The following MACROD2 variants were observed in gnomAD, a reference collection of about 807,000 sequenced individuals.
MACROD2 encodes mono-ADP ribosylhydrolase 2.
In MACROD2, 36 loss-of-function variants were observed where a neutral mutation model predicts 70.4. The ratio of observed to expected loss-of-function variants is 0.51; its 90% confidence interval spans 0.39 to 0.68. The LOEUF (loss-of-function observed/expected upper bound fraction) is 0.68, where lower values mean the gene tolerates loss of function less well. MACROD2 is among the 30% of genes least tolerant of loss of function. MACROD2 has a pLI of 0.00. For synonymous variants in MACROD2, 172 were observed against 178.8 expected (o/e 0.96, Z 0.30); for missense variants, 496 against 538.4 (o/e 0.92, Z 0.78).
At chr20:15,691,230 A>C (rs1425016356) in intron 8 of MACROD2, among the ~76,000 whole-genome samples, 1 of 152,188 alleles carries the variant, frequency 6.6e-6, no homozygotes, top group Non-Finnish European at 1.5e-5. Context: ...TAGTTGGCTG[A>C]CCTTGGATGT....
chr20:14,228,701 TCA>T lies in MACROD2; in HGVS notation c.271+142976_271+142977del, dbSNP rs1244383296. On this transcript the variant is annotated intron_variant, in intron 3 of 17. Transcript: ENST00000684519. The stretch of plus-strand genomic sequence containing the variant: ...GAAATATTTTCTTAAATAAAAATTG[TCA>T]CAGAAAAAAAGACATTAATTTCGGC... Among the ~76,000 whole-genome samples, 8 of 152,202 alleles carry T rather than the reference TCA, an allele frequency of 5.3e-5. No homozygotes were observed. The South Asian group carries it at 1.7e-3, about 32-fold the overall frequency.
At chr20:15,703,249 A>G (rs2050486084) in intron 8 of MACROD2, among the ~76,000 whole-genome samples, 1 of 152,246 alleles carries the variant, frequency 6.6e-6, no homozygotes, top group Non-Finnish European at 1.5e-5. Context: ...TAATTATTCC[A>G]CATTGTGACA....
At chr20:14,517,686 C>T (rs1381974888) in intron 4 of MACROD2, among the ~76,000 whole-genome samples, 5 of 152,004 alleles carry the variant, frequency 3.3e-5, no homozygotes, top group African/African-American at 1.2e-4. Flanking sequence ...TAAAGTATAG[C>T]AGAAAAGTTT....
intron 9 of MACROD2, among the ~76,000 whole-genome samples, chr20:15,879,467 T>TA (rs1174283678): frequency 1.3e-5 from 2 of 152,302 alleles, no homozygotes; most frequent in African/African-American, 4.8e-5. Flanking sequence ...AATGGCACAT[T>TA]AGGTGCTTTG....
chr20:14,467,207 T>A (rs544231683), intron 3 of MACROD2, among the ~76,000 whole-genome samples: 13 of 152,258 alleles, frequency 8.5e-5, no homozygotes, highest in Non-Finnish European at 1.5e-4. Flanking sequence ...CTGGCTGCTT[T>A]GTTTACCTAC....
At chr20:14,383,044 G>A (rs570691094) in intron 3 of MACROD2, among the ~76,000 whole-genome samples, 4 of 152,118 alleles carry the variant, frequency 2.6e-5, no homozygotes, top group Non-Finnish European at 5.9e-5. Context: ...CTGCCCTAAC[G>A]CTAAGTCTCA....
At chr20:14,213,608 G>C (rs1236170033) in intron 3 of MACROD2, among the ~76,000 whole-genome samples, 2 of 151,912 alleles carry the variant, frequency 1.3e-5, no homozygotes, top group Non-Finnish European at 2.9e-5. Context: ...CTTCAATAGT[G>C]ATGATGGAAT....
intron 11 of MACROD2, among the ~76,000 whole-genome samples, chr20:15,934,723 A>G (rs2147323603): frequency 6.6e-6 from 1 of 150,660 alleles, no homozygotes; most frequent in Non-Finnish European, 1.5e-5. Flanking sequence ...TTTGAGATGG[A>G]GTCTTGCTCT....
intron 6 of MACROD2, among the ~76,000 whole-genome samples, chr20:15,344,319 C>T (rs1347770301): frequency 1.3e-5 from 2 of 152,110 alleles, no homozygotes; most frequent in Non-Finnish European, 2.9e-5. Context: ...ATTAGACCAT[C>T]CCAACTGAGA....
In MACROD2 at chr20:14,326,319, G is replaced by T; in HGVS notation, c.272-167160G>T. On this transcript the variant is annotated intron_variant, in intron 3 of 17. Coordinates refer to ENST00000684519, the MANE Select transcript of MACROD2 (RefSeq NM_001351661.2). This position sits in a 1 kb window ranked among gnomAD's most constrained non-coding sequence, Gnocchi z 5.5. ...TCCCTGTGGTTTGGTGATCCTTAGT[G>T]AGCTTGGGGTTCTTAATATCTGGCT... The T allele has an allele frequency of 2.5e-6, 4 of 1,613,894 alleles. No individual in the cohort carries two copies. The highest frequency in any genetic ancestry group is 3.4e-6 in the Non-Finnish European group (4 of 1,179,854).
At chr20:14,924,925 GT>G (rs1435255935) in intron 5 of MACROD2, among the ~76,000 whole-genome samples, 6 of 152,066 alleles carry the variant, frequency 3.9e-5, no homozygotes, top group Non-Finnish European at 7.4e-5. Context: ...CCCTCAGTAT[GT>G]TTTTATTCCC....
intron 5 of MACROD2, among the ~76,000 whole-genome samples, chr20:15,158,922 C>A (rs1180097413): frequency 6.6e-6 from 1 of 152,064 alleles, no homozygotes; most frequent in Non-Finnish European, 1.5e-5. Flanking sequence ...AAGATGTTGA[C>A]CATGGTTCTG....
At chr20:16,024,495 GTTCACA>G (rs779945395) in intron 15 of MACROD2, among the ~76,000 whole-genome samples, 54 of 132,096 alleles carry the variant, frequency 4.1e-4, no homozygotes, top group African/African-American at 3.1e-4. Flanking sequence ...ATGCAGCCAT[GTTCACA>G]CACACACACA....
chr20:14,221,221 G>A (rs2081670724), intron 3 of MACROD2, among the ~76,000 whole-genome samples: 1 of 152,062 alleles, frequency 6.6e-6, no homozygotes, highest in Non-Finnish European at 1.5e-5. Context: ...ACTTATCTTG[G>A]GGTATGAATG....
intron 6 of MACROD2, among the ~76,000 whole-genome samples, chr20:15,319,134 A>G (rs966557928): frequency 1.3e-5 from 2 of 152,190 alleles, no homozygotes; most frequent in Admixed American, 1.3e-4. Context: ...CACAACATCA[A>G]TACACACAAA....
intron 6 of MACROD2, chr20:15,280,986 A>G (rs1344603485): frequency 6.6e-6 from 1 of 152,338 alleles, no homozygotes; most frequent in Non-Finnish European, 1.5e-5. Context: ...CAGAAAACTT[A>G]CAATCATGGC....
intron 4 of MACROD2, among the ~76,000 whole-genome samples, chr20:14,622,436 G>A (rs1184977568): frequency 6.6e-6 from 1 of 152,114 alleles, no homozygotes; most frequent in Non-Finnish European, 1.5e-5. Context: ...TAGGAACATA[G>A]GATAGATTTG....
intron 8 of MACROD2, among the ~76,000 whole-genome samples, chr20:15,522,724 C>G (rs765569179): frequency 2.0e-5 from 3 of 152,114 alleles, no homozygotes; most frequent in African/African-American, 4.8e-5. Flanking sequence ...AAAAATAAAT[C>G]AGAACTGAAC....
intron 3 of MACROD2, among the ~76,000 whole-genome samples, chr20:14,289,080 G>A (rs1053167693): frequency 6.6e-6 from 1 of 152,150 alleles, no homozygotes; most frequent in Non-Finnish European, 1.5e-5. Flanking sequence ...TGTAAGGGAG[G>A]ACTCAGAGAA....
Sources: allele counts gnomAD v4.1 joint callset (sites outside exome capture counted in the v4.1 genomes callset), GRCh38; gene constraint gnomAD v4.1.1; non-coding constraint Gnocchi (gnomAD v3.1); transcripts MANE v1.5; gene names NCBI Gene and HGNC (gene_info 2026-07-23, HGNC 2026-07-21).